The following ZFP14 variants were observed in gnomAD, a reference collection of about 807,000 sequenced individuals.
ZFP14 encodes ZFP14 zinc finger protein, also known as zinc finger protein 14 homolog.
Under a neutral mutation model 54.5 loss-of-function variants are expected in ZFP14, and 22 were observed. That is an observed-to-expected ratio of 0.40 (90% confidence interval 0.29 to 0.58). ZFP14 has a LOEUF of 0.58. ZFP14 is among the 20% of genes least tolerant of loss of function. The pLI, the probability that ZFP14 is intolerant of heterozygous loss-of-function variation, is 0.39. For missense variants in ZFP14, 470 were observed against 637.8 expected (o/e 0.74, Z 2.83); for synonymous variants, 159 against 204.0 (o/e 0.78, Z 1.88).
intron 2 of ZFP14, chr19:36,362,819 C>A: frequency 3.2e-6 from 1 of 310,966 alleles, no homozygotes; most frequent in South Asian, 2.9e-5. Context: ...AAATTTATCC[C>A]ACATGTGCTA....
intron 3 of ZFP14, 22 bp downstream of exon 3, chr19:36,362,090 C>A: frequency 6.3e-7 from 1 of 1,577,632 alleles, no homozygotes; most frequent in Non-Finnish European, 8.6e-7. Context: ...AAGCTAATAT[C>A]ATTTGGGATA....
At position 36,340,172 on chromosome 19, in the gene ZFP14, A is replaced by G. The variant is rs1469956294; in HGVS notation, c.*52T>C. ...GAGCATGAAACACATTTTCTCAAAA[A>G]TGAATTTTCTGATGTTCTGTAACAT... On this transcript the variant is annotated 3_prime_UTR_variant, in exon 5 of 5. Coordinates refer to ENST00000270001, the MANE Select transcript of ZFP14 (RefSeq NM_020917.3). The surrounding 1 kb of genome is among the most constrained non-coding windows in gnomAD (Gnocchi z 5.4). 6.8e-7 allele frequency: 1 copy of G among 1,472,862 alleles called. No homozygotes were observed. The highest frequency in any genetic ancestry group is 9.0e-7 in the Non-Finnish European group (1 of 1,109,258). 91.2% of individuals were successfully genotyped at this position (1,472,862 alleles called of 1,614,324 possible).
At chr19:36,364,994 C>CTTTTTTTTTTTTT (rs398034482) in intron 2 of ZFP14, among the ~76,000 whole-genome samples, 47 of 61,998 alleles carry the variant, frequency 7.6e-4, no homozygotes, top group East Asian at 7.3e-3. Flanking sequence ...TTTTCTTTTT[C>CTTTTTTTTTTTTT]TTTTTTTTTT....
chr19:36,355,939 C>T lies in ZFP14; in HGVS notation c.235+4496G>A, dbSNP rs578054967. 9.2e-5 allele frequency among the ~76,000 whole-genome samples: 13 copies of T among 141,686 alleles called. 3 individuals carry two copies. In the South Asian group the frequency reaches 1.4e-3, roughly 15 times the overall value. The allele number at this position is 141,686 out of a possible 152,430, so 93.0% of individuals were successfully genotyped here. On this transcript the variant is annotated intron_variant, in intron 4 of 4. Transcript: ENST00000270001. The stretch of plus-strand genomic sequence containing the variant: ...TAAATAGAGATGAAACTGTAGTCAC[C>T]GATCAAAAAAAAGAGTAGCCCCTCT...
intron 2 of ZFP14, among the ~76,000 whole-genome samples, chr19:36,364,290 C>T (rs996698510): frequency 1.8e-4 from 27 of 152,132 alleles, no homozygotes; most frequent in Admixed American, 1.8e-3. Context: ...TCATACATCA[C>T]GCAGGGGCAC....
At chr19:36,378,779 G>C (rs1005413635) in intron 1 of ZFP14, 1 of 152,230 alleles carries the variant, frequency 6.6e-6, no homozygotes, top group African/African-American at 2.4e-5. Context: ...GGAAATAACA[G>C]GGAGCCTGGA....
intron 1 of ZFP14, among the ~76,000 whole-genome samples, chr19:36,374,439 G>A (rs952574760): frequency 4.1e-5 from 6 of 147,584 alleles, no homozygotes; most frequent in African/African-American, 1.0e-4. Context: ...GCAATGAGCC[G>A]ATGTCGTGCC....
chr19:36,366,771 G>A (rs1028207718), intron 2 of ZFP14, among the ~76,000 whole-genome samples: 1 of 152,158 alleles, frequency 6.6e-6, no homozygotes, highest in Non-Finnish European at 1.5e-5. Context: ...CTCAATTTAT[G>A]AAAATTCATC....
In ZFP14 at chr19:36,355,846, T is replaced by C. The variant is rs933750293; in HGVS notation, c.235+4589A>G. On this transcript the variant is annotated intron_variant, in intron 4 of 4. Transcript: ENST00000270001. The stretch of plus-strand genomic sequence containing the variant: ...TCCAGCATCTAGAATTGTGAGAAAA[T>C]ACATATCTGGTGTTTAAGCCACCCA... Among the ~76,000 whole-genome samples, 4 of 141,888 alleles carry C rather than the reference T, an allele frequency of 2.8e-5. 1 individual carries two copies. Among genetic ancestry groups the C allele is most frequent in the African/African-American group, 1.0e-4 (4 of 38,678 alleles). 93.1% of individuals were successfully genotyped at this position (141,888 alleles called of 152,430 possible).
rs375149206 is a variant in ZFP14, at chr19:36,351,356, C to T, written c.235+9079G>A. ...TCTACTAAAAACTACAAAAATTAGC[C>T]GGCATGGTGGTGCATGCCTGTAGTC... On this transcript the variant is annotated intron_variant, in intron 4 of 4. Transcript: ENST00000270001. Among the ~76,000 whole-genome samples, 4 of 140,836 alleles carry T rather than the reference C, an allele frequency of 2.8e-5. 1 individual carries two copies. The highest frequency in any genetic ancestry group is 2.1e-4 in the East Asian group (1 of 4,750). The allele number at this position is 140,836 out of a possible 152,430, so 92.4% of individuals were successfully genotyped here. A position where few individuals can be genotyped will look rare whatever the true frequency, so the allele number is the denominator to read the frequency against.
intron 4 of ZFP14, among the ~76,000 whole-genome samples, chr19:36,350,779 G>C (rs1373403020): frequency 1.4e-5 from 2 of 141,766 alleles, no homozygotes; most frequent in Non-Finnish European, 3.1e-5. Flanking sequence ...GCAGCTAACG[G>C]GAAAAAATAC....
In ZFP14 at chr19:36,351,686, C is replaced by A. The variant is rs529959272; in HGVS notation, c.235+8749G>T. On this transcript the variant is annotated intron_variant, in intron 4 of 4. Transcript: ENST00000270001. ...GACCAGCCTGGCCAACACAGTGAGA[C>A]CCCCATCTCTAAAATAAAACAAATT... Among the ~76,000 whole-genome samples the A allele has an allele frequency of 7.8e-5, 11 of 140,550 alleles. 2 individuals carry two copies. In the East Asian group the frequency reaches 1.5e-3, roughly 19 times the overall value. The allele number at this position is 140,550 out of a possible 152,430, so 92.2% of individuals were successfully genotyped here.
intron 1 of ZFP14, among the ~76,000 whole-genome samples, chr19:36,375,809 G>A (rs1004175865): frequency 4.6e-5 from 7 of 151,676 alleles, no homozygotes; most frequent in Non-Finnish European, 1.0e-4. Context: ...TGCCCGCCTC[G>A]GCCTCCCAAA....
chr19:36,361,350 C>T (rs2031707326), intron 3 of ZFP14, among the ~76,000 whole-genome samples: 1 of 152,090 alleles, frequency 6.6e-6, no homozygotes, highest in South Asian at 2.1e-4. Flanking sequence ...AGGAATTCTC[C>T]TGCCTCAGCC....
At chr19:36,358,374 G>C (rs565050612) in intron 4 of ZFP14, among the ~76,000 whole-genome samples, 1 of 152,270 alleles carries the variant, frequency 6.6e-6, no homozygotes, top group Admixed American at 6.5e-5. Context: ...GCCTCCCAAA[G>C]TGCTAGGATT....
intron 4 of ZFP14, among the ~76,000 whole-genome samples, chr19:36,344,256 C>T (rs1041612866): frequency 6.6e-5 from 10 of 152,188 alleles, no homozygotes; most frequent in African/African-American, 2.2e-4. Flanking sequence ...CTGCCCGCCT[C>T]GGCCTCCCAA....
chr19:36,370,885 G>A (rs1363370602), intron 1 of ZFP14, among the ~76,000 whole-genome samples: 3 of 152,204 alleles, frequency 2.0e-5, no homozygotes, highest in Non-Finnish European at 4.4e-5. Flanking sequence ...ACAACAATCA[G>A]GGAAACATGA....
At chr19:36,369,828 GGTTTT>G (rs569647447) in intron 1 of ZFP14, among the ~76,000 whole-genome samples, 427 of 152,140 alleles carry the variant, frequency 2.8e-3, no homozygotes, top group Non-Finnish European at 4.5e-3. Context: ...ACTAACAGTA[GGTTTT>G]GTTTTGTTTT....
chr19:36,347,438 C>A (rs1201197150), intron 4 of ZFP14, among the ~76,000 whole-genome samples: 1 of 149,130 alleles, frequency 6.7e-6, no homozygotes, highest in Admixed American at 6.7e-5. Context: ...GGTGAAACCT[C>A]ATCTCTACAA....
Sources: allele counts gnomAD v4.1 joint callset (sites outside exome capture counted in the v4.1 genomes callset), GRCh38; gene constraint gnomAD v4.1.1; non-coding constraint Gnocchi (gnomAD v3.1); transcripts MANE v1.5; gene names NCBI Gene and HGNC (gene_info 2026-07-23, HGNC 2026-07-21).